SATB2: variants seen among roughly 807,000 people sequenced by gnomAD.
SATB2 encodes DNA-binding protein SATB2.
In SATB2, 1 loss-of-function variant was observed where a neutral mutation model predicts 73.4. The ratio of observed to expected loss-of-function variants is 0.01; its 90% CI spans 0.00 to 0.06. The LOEUF (loss-of-function observed/expected upper bound fraction) is 0.06, where lower values mean the gene tolerates loss of function less well. Ranked by LOEUF, SATB2 falls within the 10% of genes least tolerant of loss-of-function variation. The pLI is 1.00. For synonymous variants in SATB2, 397 were observed against 367.0 expected, an observed-to-expected ratio of 1.08 and a Z score of -0.93; for missense variants, 459 against 945.8, an observed-to-expected ratio of 0.49 and a Z score of 6.75.
At chr2:199,325,982 AT>A (rs1688017967) in intron 8 of SATB2, 1 of 152,164 alleles carries the variant, frequency 6.6e-6, no homozygotes, top group African/African-American at 2.4e-5. Context: ...AATTTCTTCA[AT>A]TTGTTTTTCA....
rs1302839728 is a variant in SATB2, at chr2:199,464,562, G to A, written c.-141+274C>T. ...CCCACACAAAACACTAGCGAGCCCT[G>A]GAGGTCTGAGACGCCCCGCGCCCGA... On this transcript the variant is annotated intron_variant, in intron 1 of 11. Coordinates refer to the SATB2 transcript ENST00000260926. The surrounding 1 kb of genome is among the most constrained non-coding windows in gnomAD (Gnocchi z 6.6). 6.6e-6 allele frequency among the ~76,000 whole-genome samples: 1 copy of A among 152,132 alleles called. No individual in the cohort carries two copies. Among genetic ancestry groups the A allele is most frequent in the African/African-American group, 2.4e-5 (1 of 41,440 alleles).
intron 3 of SATB2, among the ~76,000 whole-genome samples, chr2:199,403,166 T>C (rs1193143496): frequency 6.6e-6 from 1 of 152,180 alleles, no homozygotes; most frequent in African/African-American, 2.4e-5. Flanking sequence ...TTATTGATAA[T>C]ATTTTTAAAA....
At chr2:199,319,489 T>C (rs1351091560) in intron 9 of SATB2, among the ~76,000 whole-genome samples, 1 of 152,088 alleles carries the variant, frequency 6.6e-6, no homozygotes, top group African/African-American at 2.4e-5. Context: ...GCCGTCTTTT[T>C]CCCCTTGTCT....
chr2:199,312,880 C>A (rs1051732537), intron 9 of SATB2, among the ~76,000 whole-genome samples: 2 of 151,852 alleles, frequency 1.3e-5, no homozygotes, highest in African/African-American at 4.8e-5. Context: ...TCAAACAAAC[C>A]CAAACTGAGA....
At chr2:199,462,838 A>G (rs1692507239), upstream of SATB2, among the ~76,000 whole-genome samples, 1 of 151,276 alleles carries the variant, frequency 6.6e-6, no homozygotes, top group African/African-American at 2.4e-5. The surrounding 1 kb of genome is among the most constrained non-coding windows in gnomAD (Gnocchi z 5.9). Context: ...CGGTGAGCCT[A>G]GCACCCCAGA....
chr2:199,291,762 A>C (rs1044390361), intron 10 of SATB2, among the ~76,000 whole-genome samples: 1 of 151,962 alleles, frequency 6.6e-6, no homozygotes, highest in African/African-American at 2.4e-5. Context: ...AAAATACAAA[A>C]ATTAGCCAGG....
At position 199,328,548 on chromosome 2, in the gene SATB2, T is replaced by TTAAAA. The variant is rs71015892; in HGVS notation, c.1386+145_1386+149dup. On this transcript the variant is annotated intron_variant, in intron 8 of 10. Transcript: ENST00000417098. The stretch of plus-strand genomic sequence containing the variant: ...AAAGCAAGACTCCATCTCAAAAAAA[T>TTAAAA]TAAAATAAAATAAAATAAAATAAGA... 1,341 of 591,620 alleles carry TTAAAA rather than the reference T, an allele frequency of 2.3e-3. 16 individuals are homozygous for TTAAAA. Among genetic ancestry groups the TTAAAA allele is most frequent in the African/African-American group, 0.023 (1,165 of 51,614 alleles). 36.6% of individuals were successfully genotyped at this position (591,620 alleles called of 1,614,324 possible). A position where few individuals can be genotyped will look rare whatever the true frequency, so the allele number is the denominator to read the frequency against.
At chr2:199,416,665 C>T (rs147144387) in intron 3 of SATB2, among the ~76,000 whole-genome samples, 2 of 152,156 alleles carry the variant, frequency 1.3e-5, no homozygotes, top group South Asian at 4.1e-4. Context: ...TAAACTACTA[C>T]TTTTGAATTC....
At chr2:199,280,666 C>T (rs1243743150) in intron 10 of SATB2, among the ~76,000 whole-genome samples, 1 of 152,146 alleles carries the variant, frequency 6.6e-6, no homozygotes, top group Admixed American at 6.6e-5. Context: ...TCTCCCGTAG[C>T]ACTCCCAGGC....
chr2:199,356,601 T>A (rs1052485932), intron 6 of SATB2, among the ~76,000 whole-genome samples: 1 of 152,288 alleles, frequency 6.6e-6, no homozygotes, highest in East Asian at 1.9e-4. Flanking sequence ...CAAATGCAGA[T>A]AAATATTTAG....
intron 8 of SATB2, among the ~76,000 whole-genome samples, chr2:199,328,338 C>T (rs750003392): frequency 1.5e-4 from 23 of 152,128 alleles, no homozygotes; most frequent in South Asian, 2.1e-4. Flanking sequence ...GTCAGGAGTT[C>T]GAGAAGAGCC....
At chr2:199,415,185 T>C (rs899630510) in intron 3 of SATB2, among the ~76,000 whole-genome samples, 5 of 152,226 alleles carry the variant, frequency 3.3e-5, no homozygotes, top group Non-Finnish European at 5.9e-5. Context: ...TACAGACTTA[T>C]AACACATACT....
chr2:199,393,046 G>A (rs1690195551), intron 3 of SATB2, among the ~76,000 whole-genome samples: 1 of 151,948 alleles, frequency 6.6e-6, no homozygotes, highest in Admixed American at 6.6e-5. Context: ...TACTGACTGG[G>A]GCCACTTATT....
intron 3 of SATB2, among the ~76,000 whole-genome samples, chr2:199,395,218 G>A (rs1051157455): frequency 1.3e-4 from 20 of 151,898 alleles, no homozygotes; most frequent in African/African-American, 4.6e-4. Flanking sequence ...TGGTTCAATC[G>A]TGTTTTATCA....
intron 10 of SATB2, among the ~76,000 whole-genome samples, chr2:199,286,863 A>T (rs1692703675): frequency 6.6e-6 from 1 of 152,178 alleles, no homozygotes; most frequent in Admixed American, 6.5e-5. Flanking sequence ...TAAATGTGTG[A>T]CTTGCTTCAT....
intron 10 of SATB2, among the ~76,000 whole-genome samples, chr2:199,291,711 G>C (rs753405103): frequency 5.3e-5 from 8 of 152,028 alleles, no homozygotes; most frequent in African/African-American, 1.9e-4. Flanking sequence ...TCAGGAGTTT[G>C]AGACCAGCCT....
At chr2:199,467,774 A>G (rs554108345), upstream of SATB2, among the ~76,000 whole-genome samples, 87 of 152,088 alleles carry the variant, frequency 5.7e-4, 2 homozygotes, top group South Asian at 0.018. Context: ...CACCACCACC[A>G]CGTTGGCCTA....
intron 6 of SATB2, among the ~76,000 whole-genome samples, chr2:199,353,969 G>A (rs1688897255): frequency 1.3e-5 from 2 of 152,198 alleles, no homozygotes; most frequent in South Asian, 4.1e-4. Context: ...AGGGTAAAAG[G>A]TAGTGCTGTC....
At chr2:199,435,814 T>C (rs1468774270) in intron 2 of SATB2, among the ~76,000 whole-genome samples, 1 of 152,196 alleles carries the variant, frequency 6.6e-6, no homozygotes, top group East Asian at 1.9e-4. Context: ...GCAAGCATAA[T>C]GGCATTTTAT....
Sources: gnomAD v4.1 joint callset for allele counts (sites outside exome capture counted in the v4.1 genomes callset) on GRCh38, gnomAD v4.1.1 for gene constraint, Gnocchi (gnomAD v3.1) non-coding constraint, MANE v1.5 for transcripts, NCBI Gene and HGNC (gene_info 2026-07-23, HGNC 2026-07-21) for gene names.